The following ASTN2 variants were observed in gnomAD, a reference collection of about 807,000 sequenced individuals.
ASTN2 encodes the protein astrotactin-2.
Under a neutral mutation model 139.8 loss-of-function variants are expected in ASTN2, and 54 were observed. That is an observed-to-expected ratio of 0.39 (90% CI 0.31 to 0.48). The LOEUF is 0.48. ASTN2 is among the 20% of genes least tolerant of loss of function. The pLI, the probability that ASTN2 is intolerant of heterozygous loss-of-function variation, is 0.95. For synonymous variants in ASTN2, 756 were observed against 719.5 expected (o/e 1.05, Z -0.81); for missense variants, 1,565 against 1,725.1 (o/e 0.91, Z 1.64).
chr9:117,130,189 G>A (rs1394272975), intron 4 of ASTN2, among the ~76,000 whole-genome samples: 1 of 152,088 alleles, frequency 6.6e-6, no homozygotes, highest in African/African-American at 2.4e-5. Flanking sequence ...TGCACTTGTG[G>A]TCTTGACTAC....
At chr9:117,215,472 T>TATATATATATA (rs148908328) in intron 2 of ASTN2, among the ~76,000 whole-genome samples, 136,779 of 145,020 alleles carry the variant, frequency 0.94, 64,734 homozygotes, top group Middle Eastern at 0.99. Context: ...TCAACTGATA[T>TATATATATATA]ATATATATAT....
intron 17 of ASTN2, among the ~76,000 whole-genome samples, chr9:116,635,448 C>T (rs1463976808): frequency 2.0e-5 from 3 of 152,158 alleles, no homozygotes; most frequent in African/African-American, 7.2e-5. Flanking sequence ...AATTAATGCT[C>T]TCCTGATACA....
chr9:117,349,531 C>T (rs1319248885), intron 1 of ASTN2, among the ~76,000 whole-genome samples: 6 of 151,948 alleles, frequency 3.9e-5, no homozygotes, highest in Admixed American at 3.9e-4. Context: ...CACAAAGGTT[C>T]AGAAAAAATA....
At chr9:117,183,152 A>G (rs147495404) in intron 3 of ASTN2, among the ~76,000 whole-genome samples, 1 of 152,036 alleles carries the variant, frequency 6.6e-6, no homozygotes, top group African/African-American at 2.4e-5. Flanking sequence ...TGTTAATTAA[A>G]TTAGTAATTG....
intron 6 of ASTN2, among the ~76,000 whole-genome samples, chr9:117,008,769 C>T (rs1837431520): frequency 6.6e-6 from 1 of 152,156 alleles, no homozygotes; most frequent in Non-Finnish European, 1.5e-5. Flanking sequence ...GAACAGGGGT[C>T]ATTGATGTCC....
chr9:117,131,978 T>A (rs1313628692), intron 4 of ASTN2, among the ~76,000 whole-genome samples: 1 of 152,198 alleles, frequency 6.6e-6, no homozygotes. Flanking sequence ...AACATGATTT[T>A]ATATGGTCAA....
At chr9:116,630,400 G>A (rs1014360070) in intron 17 of ASTN2, among the ~76,000 whole-genome samples, 1 of 152,124 alleles carries the variant, frequency 6.6e-6, no homozygotes, top group Non-Finnish European at 1.5e-5. Flanking sequence ...ATGCTCCTGT[G>A]ATCAGGTGAT....
At chr9:117,388,594 T>A (rs1830461949) in intron 1 of ASTN2, among the ~76,000 whole-genome samples, 1 of 152,244 alleles carries the variant, frequency 6.6e-6, no homozygotes, top group Admixed American at 6.5e-5. Context: ...AGTTGGCTTC[T>A]ATTGGTTGCA....
chr9:117,021,243 G>T (rs1463710858), intron 6 of ASTN2, among the ~76,000 whole-genome samples: 1 of 152,060 alleles, frequency 6.6e-6, no homozygotes, highest in South Asian at 2.1e-4. Context: ...ATAGAAAATA[G>T]GTTGGGTTCT....
At chr9:116,563,287 A>C (rs1273617643) in intron 19 of ASTN2, among the ~76,000 whole-genome samples, 1 of 151,944 alleles carries the variant, frequency 6.6e-6, no homozygotes, top group Non-Finnish European at 1.5e-5. Flanking sequence ...AGGCAGGAGA[A>C]TGGTGTGAAC....
intron 5 of ASTN2, among the ~76,000 whole-genome samples, chr9:117,067,400 G>A (rs1208538539): frequency 8.4e-5 from 10 of 119,608 alleles, no homozygotes; most frequent in Non-Finnish European, 9.3e-5. Flanking sequence ...TGCTGTTTTG[G>A]TTACTGTAGC....
intron 19 of ASTN2, among the ~76,000 whole-genome samples, chr9:116,519,156 A>G (rs1447064466): frequency 6.6e-6 from 1 of 152,106 alleles, no homozygotes; most frequent in South Asian, 2.1e-4. Flanking sequence ...AAACAAATGG[A>G]CTTAACAGAT....
intron 20 of ASTN2, among the ~76,000 whole-genome samples, chr9:116,466,691 T>C (rs1475951226): frequency 1.3e-5 from 2 of 152,156 alleles, no homozygotes; most frequent in Admixed American, 6.5e-5. Flanking sequence ...CCAGTGTTAA[T>C]AGGGAGGATG....
At chr9:117,262,429 C>G (rs1385012170) in intron 2 of ASTN2, among the ~76,000 whole-genome samples, 3 of 130,030 alleles carry the variant, frequency 2.3e-5, no homozygotes, top group Non-Finnish European at 5.2e-5. Context: ...TTTTTATCTC[C>G]TTAGCATCCT....
chr9:117,058,863 T>C (rs1419260517), intron 5 of ASTN2, among the ~76,000 whole-genome samples: 2 of 152,166 alleles, frequency 1.3e-5, no homozygotes, highest in Non-Finnish European at 2.9e-5. Flanking sequence ...AGCCCTGTCC[T>C]GGTGGGAGAA....
At chr9:117,165,448 C>T (rs572743443) in intron 3 of ASTN2, among the ~76,000 whole-genome samples, 24 of 152,130 alleles carry the variant, frequency 1.6e-4, no homozygotes, top group African/African-American at 5.8e-4. Flanking sequence ...TGAGTGGAGC[C>T]CTGCCTGACT....
chr9:117,368,398 A>G (rs1829904020), intron 1 of ASTN2, among the ~76,000 whole-genome samples: 1 of 152,204 alleles, frequency 6.6e-6, no homozygotes, highest in Non-Finnish European at 1.5e-5. Flanking sequence ...TTGCCATGGT[A>G]TTGAAATTGA....
intron 20 of ASTN2, among the ~76,000 whole-genome samples, chr9:116,460,422 C>A (rs1174543752): frequency 1.3e-5 from 2 of 152,116 alleles, no homozygotes; most frequent in Non-Finnish European, 2.9e-5. Flanking sequence ...ATATGTCAAA[C>A]AAACAGAAAA....
intron 19 of ASTN2, among the ~76,000 whole-genome samples, chr9:116,507,843 A>G (rs1850176679): frequency 6.6e-6 from 1 of 152,054 alleles, no homozygotes; most frequent in Admixed American, 6.6e-5. Flanking sequence ...TCATTAGCTT[A>G]CGTACTTGGG....
Sources: allele counts gnomAD v4.1 joint callset (sites outside exome capture counted in the v4.1 genomes callset), GRCh38; gene constraint gnomAD v4.1.1; transcripts MANE v1.5; gene names NCBI Gene and HGNC (gene_info 2026-07-23, HGNC 2026-07-21).